CHRM2: variants seen among roughly 807,000 people sequenced by gnomAD.
CHRM2 encodes muscarinic acetylcholine receptor M2.
A neutral mutation model predicts 25.0 loss-of-function variants in CHRM2; 8 were observed. That is an observed-to-expected ratio of 0.32 (90% CI 0.19 to 0.58). The LOEUF (loss-of-function observed/expected upper bound fraction) is 0.58, where lower values mean the gene tolerates loss of function less well. CHRM2 is among the 20% of genes least tolerant of loss of function. The pLI, the probability that CHRM2 is intolerant of heterozygous loss-of-function variation, is 0.88. For missense variants in CHRM2, 440 were observed against 567.1 expected, an observed-to-expected ratio of 0.78 and a Z score of 2.28; for synonymous variants, 202 against 205.7, an observed-to-expected ratio of 0.98 and a Z score of 0.15.
intron 2 of CHRM2, among the ~76,000 whole-genome samples, chr7:136,911,313 A>C (rs956294792): frequency 6.6e-6 from 1 of 151,972 alleles, no homozygotes; most frequent in African/African-American, 2.4e-5. Flanking sequence ...ATGCAAAGAT[A>C]ACATTTATAT....
intron 2 of CHRM2, among the ~76,000 whole-genome samples, chr7:136,969,160 G>C (rs1801604733): frequency 1.3e-5 from 2 of 152,020 alleles, no homozygotes; most frequent in African/African-American, 4.8e-5. Flanking sequence ...ATAGCTGCAG[G>C]ACACACACCT....
chr7:136,959,094 C>CA (rs1391770442), intron 2 of CHRM2, among the ~76,000 whole-genome samples: 1 of 152,154 alleles, frequency 6.6e-6, no homozygotes, highest in East Asian at 1.9e-4. Context: ...ATCATGTGAA[C>CA]AATGGTGACC....
At chr7:136,946,632 T>C (rs1361036448) in intron 2 of CHRM2, among the ~76,000 whole-genome samples, 1 of 152,188 alleles carries the variant, frequency 6.6e-6, no homozygotes, top group Non-Finnish European at 1.5e-5. Flanking sequence ...ACAGAATGTA[T>C]ACTTTAGCTT....
intron 2 of CHRM2, among the ~76,000 whole-genome samples, chr7:136,958,448 C>CTTTTTT (rs56127104): frequency 1.1e-4 from 10 of 91,144 alleles, no homozygotes; most frequent in Admixed American, 1.3e-4. Flanking sequence ...GCAGTGTCAT[C>CTTTTTT]TTTTTTTTTT....
At chr7:137,014,251 G>A (rs1294695545) in intron 3 of CHRM2, among the ~76,000 whole-genome samples, 1 of 151,976 alleles carries the variant, frequency 6.6e-6, no homozygotes, top group Non-Finnish European at 1.5e-5. Context: ...TCTAGGGAGA[G>A]TATACTGGCT....
chr7:136,927,470 A>C (rs1798813520), intron 2 of CHRM2, among the ~76,000 whole-genome samples: 1 of 152,116 alleles, frequency 6.6e-6, no homozygotes, highest in Non-Finnish European at 1.5e-5. Flanking sequence ...TTTTGGCACC[A>C]AAAGTAATCA....
At chr7:136,983,042 A>G (rs150812700) in intron 2 of CHRM2, among the ~76,000 whole-genome samples, 1 of 152,204 alleles carries the variant, frequency 6.6e-6, no homozygotes, top group African/African-American at 2.4e-5. Context: ...GTGTTTTCCA[A>G]CTTGGTTCCG....
intron 2 of CHRM2, among the ~76,000 whole-genome samples, chr7:136,952,253 C>T (rs933770397): frequency 1.3e-5 from 2 of 152,170 alleles, no homozygotes; most frequent in African/African-American, 4.8e-5. Flanking sequence ...ATAACTATGC[C>T]ATGTTCTCTC....
chr7:136,956,916 C>T (rs1800757367), intron 2 of CHRM2, among the ~76,000 whole-genome samples: 1 of 152,000 alleles, frequency 6.6e-6, no homozygotes, highest in African/African-American at 2.4e-5. Context: ...CCCGCTGACT[C>T]CTTAGCAAAC....
At chr7:136,930,927 A>AT (rs1290104978) in intron 2 of CHRM2, among the ~76,000 whole-genome samples, 2 of 138,606 alleles carry the variant, frequency 1.4e-5, no homozygotes, top group Non-Finnish European at 3.1e-5. Flanking sequence ...AAAAAAAAAA[A>AT]GGATAGAAAG....
chr7:136,917,815 G>A (rs1435971519), intron 2 of CHRM2, among the ~76,000 whole-genome samples: 1 of 151,970 alleles, frequency 6.6e-6, no homozygotes, highest in Admixed American at 6.6e-5. Flanking sequence ...TTATTGGGTA[G>A]GCTTATTAGG....
At chr7:136,948,032 C>T (rs536752509) in intron 2 of CHRM2, among the ~76,000 whole-genome samples, 136 of 152,212 alleles carry the variant, frequency 8.9e-4, no homozygotes, top group Admixed American at 4.4e-3. Flanking sequence ...CATTGTGGTT[C>T]CAGTCCTCAT....
At chr7:136,957,362 A>G (rs1800787660) in intron 2 of CHRM2, among the ~76,000 whole-genome samples, 1 of 152,182 alleles carries the variant, frequency 6.6e-6, no homozygotes, top group East Asian at 1.9e-4. Flanking sequence ...ACTGTTAACT[A>G]TTGGCAAAAT....
intron 2 of CHRM2, among the ~76,000 whole-genome samples, chr7:136,921,076 T>C (rs13235468): frequency 0.23 from 34,684 of 151,946 alleles, 5,166 homozygotes; most frequent in Non-Finnish European, 0.33. Context: ...GCTTCCAGAC[T>C]CTTCTACACA....
chr7:136,921,790 C>CTTTTTTTTTTTTTTTTTTTT lies in CHRM2; in HGVS notation c.-125+52375_-125+52376insTTTTTTTTTTTTTTTTTTTT, dbSNP rs201063228. ...ATTTTCTTTCTTTCTTTCTTTCTTT[C>CTTTTTTTTTTTTTTTTTTTT]TTTCTTTTTTTTGAGACAGATTCTC... On this transcript the variant is annotated intron_variant, in intron 2 of 3. Transcript: ENST00000680005. Among the ~76,000 whole-genome samples the CTTTTTTTTTTTTTTTTTTTT allele has an allele frequency of 5.3e-5, 6 of 114,078 alleles. No individual in the cohort carries two copies. The East Asian group carries it at 1.0e-3, about 19-fold the overall frequency. 74.8% of individuals were successfully genotyped at this position (114,078 alleles called of 152,430 possible).
intron 2 of CHRM2, among the ~76,000 whole-genome samples, chr7:136,917,453 C>T (rs550420505): frequency 1.1e-4 from 16 of 151,992 alleles, no homozygotes; most frequent in Non-Finnish European, 1.9e-4. Flanking sequence ...AGGATGGTTG[C>T]TGGCTTGTCC....
intron 3 of CHRM2, among the ~76,000 whole-genome samples, chr7:136,998,270 C>T (rs1038036428): frequency 6.6e-6 from 1 of 152,108 alleles, no homozygotes; most frequent in African/African-American, 2.4e-5. Context: ...TGAGATGTAC[C>T]AGGATATTGA....
At chr7:136,873,302 T>C (rs576433904) in intron 2 of CHRM2, among the ~76,000 whole-genome samples, 1 of 152,204 alleles carries the variant, frequency 6.6e-6, no homozygotes, top group Non-Finnish European at 1.5e-5. Context: ...GGAGGTGGTA[T>C]GTGGGGAAAG....
chr7:136,873,096 G>T (rs1385568903), intron 2 of CHRM2, among the ~76,000 whole-genome samples: 2 of 152,122 alleles, frequency 1.3e-5, no homozygotes, highest in Non-Finnish European at 2.9e-5. Flanking sequence ...ACTCTCCGTG[G>T]CATAGTTCCC....
Sources: gnomAD v4.1 joint callset for allele counts (sites outside exome capture counted in the v4.1 genomes callset) on GRCh38, gnomAD v4.1.1 for gene constraint, MANE v1.5 for transcripts, NCBI Gene and HGNC (gene_info 2026-07-23, HGNC 2026-07-21) for gene names.